RBFOX1: variants seen among roughly 807,000 people sequenced by gnomAD.
RBFOX1 encodes the protein RNA binding protein fox-1 homolog 1.
RBFOX1 carries 8 observed loss-of-function variants against 57.7 expected under a neutral mutation model. That is an observed-to-expected ratio of 0.14 (90% CI 0.08 to 0.25). The LOEUF is 0.25. RBFOX1 is among the 10% of genes least tolerant of loss of function. The pLI is 1.00. For missense variants in RBFOX1, 611 were observed against 548.5 expected, an observed-to-expected ratio of 1.11 and a Z score of -1.14; for synonymous variants, 326 against 222.4, an observed-to-expected ratio of 1.47 and a Z score of -4.15.
rs148427929 is a variant in RBFOX1 at position 5,983,890 on chromosome 16, C to T, written c.351+116555C>T. Among the ~76,000 whole-genome samples the T allele has an allele frequency of 6.5e-3, 929 of 142,480 alleles. 8 individuals carry two copies. Among genetic ancestry groups the T allele is most frequent in the African/African-American group, 0.022 (854 of 39,276 alleles). 93.5% of individuals were successfully genotyped at this position (142,480 alleles called of 152,430 possible). ...TCCTCCTCCTCCTCCTTCCCTACCCCTCCTCGTTCTCCTCCTCCTCCTCTT... is the reference window on the plus strand; with the variant it reads ...TCCTCCTCCTCCTCCTTCCCTACCCTTCCTCGTTCTCCTCCTCCTCCTCTT... On this transcript the variant is annotated intron_variant, in intron 4 of 19. Transcript: ENST00000641259.
chr16:5,796,142 A>C (rs2054870394), intron 3 of RBFOX1, among the ~76,000 whole-genome samples: 1 of 152,200 alleles, frequency 6.6e-6, no homozygotes, highest in Non-Finnish European at 1.5e-5. Context: ...GGAAGGTCAT[A>C]AGCAGCTCAA....
intron 3 of RBFOX1, among the ~76,000 whole-genome samples, chr16:6,875,780 G>C (rs1388807): frequency 2.6e-5 from 4 of 152,004 alleles, no homozygotes; most frequent in Non-Finnish European, 5.9e-5. Context: ...CATGACAGCA[G>C]GATTATTTGA....
intron 2 of RBFOX1, among the ~76,000 whole-genome samples, chr16:6,407,509 GAGAA>G (rs2093323977): frequency 1.3e-5 from 2 of 151,428 alleles, no homozygotes; most frequent in South Asian, 4.2e-4. Flanking sequence ...CAGAGACAGA[GAGAA>G]AGAGAGGAGA....
chr16:7,104,400 G>A (rs761856166), intron 4 of RBFOX1, among the ~76,000 whole-genome samples: 2 of 152,222 alleles, frequency 1.3e-5, no homozygotes, highest in Non-Finnish European at 1.5e-5. Context: ...AGGACAGTAT[G>A]CCCCTCTGAT....
intron 3 of RBFOX1, among the ~76,000 whole-genome samples, chr16:6,905,440 C>G (rs745724786): frequency 6.6e-6 from 1 of 151,806 alleles, no homozygotes; most frequent in Admixed American, 6.6e-5. Context: ...ATAATCCCAG[C>G]TACTTGGGAG....
intron 4 of RBFOX1, among the ~76,000 whole-genome samples, chr16:7,502,142 C>T (rs181452872): frequency 1.3e-5 from 2 of 152,122 alleles, no homozygotes; most frequent in African/African-American, 2.4e-5. Context: ...ACTTATGCAA[C>T]ACACAATGAA....
chr16:5,341,543 G>A (rs980241418), intron 1 of RBFOX1, among the ~76,000 whole-genome samples: 8 of 152,130 alleles, frequency 5.3e-5, no homozygotes, highest in East Asian at 3.8e-4. Context: ...TATTCCCTGA[G>A]TTTTTTTATT....
At chr16:5,320,515 G>A (rs1030946539) in intron 1 of RBFOX1, among the ~76,000 whole-genome samples, 5 of 152,186 alleles carry the variant, frequency 3.3e-5, no homozygotes, top group Admixed American at 6.5e-5. Context: ...AGAAGGCTCC[G>A]GAGTCTCCAT....
chr16:6,835,872 G>C (rs967369183), intron 3 of RBFOX1, among the ~76,000 whole-genome samples: 3 of 151,924 alleles, frequency 2.0e-5, no homozygotes, highest in African/African-American at 4.8e-5. Context: ...TCCTTCCCTA[G>C]GTGGCTCCAC....
chr16:7,545,783 T>C (rs1280223484), intron 5 of RBFOX1, among the ~76,000 whole-genome samples: 1 of 152,082 alleles, frequency 6.6e-6, no homozygotes, highest in African/African-American at 2.4e-5. Flanking sequence ...AAACGTGGTC[T>C]TGGGTCTCAG....
At chr16:6,922,008 C>G (rs7191329) in intron 3 of RBFOX1, among the ~76,000 whole-genome samples, 26,997 of 152,026 alleles carry the variant, frequency 0.18, 2,790 homozygotes, top group Admixed American at 0.23. Flanking sequence ...TGCCTAACAC[C>G]TTGTGGCTAT....
intron 5 of RBFOX1, among the ~76,000 whole-genome samples, chr16:7,558,379 C>T (rs764240081): frequency 2.6e-5 from 4 of 151,872 alleles, no homozygotes; most frequent in Non-Finnish European, 4.4e-5. Context: ...TATATATATA[C>T]ACGCGCACAC....
rs565406061 is a variant in RBFOX1 at position 7,186,281 on chromosome 16, T to C, written c.27+134183T>C. Among the ~76,000 whole-genome samples, 185 of 122,310 alleles carry C rather than the reference T, an allele frequency of 1.5e-3. 3 individuals carry two copies. The highest frequency in any genetic ancestry group is 1.7e-3 in the Non-Finnish European group (103 of 61,242). 80.2% of individuals were successfully genotyped at this position (122,310 alleles called of 152,430 possible). A position where few individuals can be genotyped will look rare whatever the true frequency, so the allele number is the denominator to read the frequency against. On this transcript the variant is annotated intron_variant, in intron 4 of 15. Transcript: ENST00000550418. ...ATTTATATAAACATAAACATAAACA[T>C]ATTTATATAAATATAAACATAAACA...
intron 2 of RBFOX1, among the ~76,000 whole-genome samples, chr16:6,646,511 C>T (rs1477125289): frequency 6.6e-6 from 1 of 152,058 alleles, no homozygotes; most frequent in Non-Finnish European, 1.5e-5. Context: ...AAAAATCTGC[C>T]TTTGGTTTAT....
chr16:5,814,549 C>G (rs1021503142), intron 3 of RBFOX1, among the ~76,000 whole-genome samples: 2 of 152,236 alleles, frequency 1.3e-5, no homozygotes, highest in Non-Finnish European at 2.9e-5. Flanking sequence ...AGAGGCCACA[C>G]AACTTGCCCA....
At position 7,199,211 on chromosome 16, in the gene RBFOX1, G is replaced by A. The variant is rs12709184; in HGVS notation, c.27+147113G>A. 2.6e-5 allele frequency among the ~76,000 whole-genome samples: 4 copies of A among 152,088 alleles called. No individual in the cohort carries two copies. In the South Asian group the frequency reaches 8.3e-4, roughly 32 times the overall value. The stretch of plus-strand genomic sequence containing the variant: ...TTTAACTGCACTTCAGCATAGAGGG[G>A]GACATTTTAAGGAGCTAAGAGCTTA... On this transcript the variant is annotated intron_variant, in intron 4 of 15. Coordinates refer to ENST00000550418, the MANE Select transcript of RBFOX1 (RefSeq NM_018723.4).
At chr16:7,274,700 T>TTTTA (rs2095407168) in intron 4 of RBFOX1, among the ~76,000 whole-genome samples, 4 of 121,836 alleles carry the variant, frequency 3.3e-5, no homozygotes, top group African/African-American at 1.3e-4. Context: ...ATTTTATTTT[T>TTTTA]TTGAGGCAAG....
At chr16:7,425,581 A>G (rs1240111969) in intron 4 of RBFOX1, among the ~76,000 whole-genome samples, 2 of 152,222 alleles carry the variant, frequency 1.3e-5, no homozygotes, top group Non-Finnish European at 2.9e-5. Flanking sequence ...TCCTTCTGAA[A>G]TTACATAGTT....
intron 3 of RBFOX1, among the ~76,000 whole-genome samples, chr16:6,855,907 C>T (rs767806169): frequency 2.0e-5 from 3 of 150,148 alleles, no homozygotes; most frequent in African/African-American, 2.5e-5. Flanking sequence ...TACCTCCCTT[C>T]TTTCCTTCTT....
Sources: allele counts gnomAD v4.1 joint callset (sites outside exome capture counted in the v4.1 genomes callset), GRCh38; gene constraint gnomAD v4.1.1; transcripts MANE v1.5; gene names NCBI Gene and HGNC (gene_info 2026-07-23, HGNC 2026-07-21).